Variants in CNTLN observed in about 807,000 individuals in gnomAD.
CNTLN encodes the protein centlein.
In CNTLN, 212 loss-of-function variants were observed where a neutral mutation model predicts 180.0. That is an observed-to-expected ratio of 1.18 (90% CI 1.05 to 1.32). The LOEUF (loss-of-function observed/expected upper bound fraction) is 1.32. CNTLN is among the 40% of genes most tolerant of loss of function. CNTLN has a pLI of 0.00. For synonymous variants in CNTLN, 722 were observed against 563.1 expected, an observed-to-expected ratio of 1.28 and a Z score of -3.99; for missense variants, 2,095 against 1,610.9, an observed-to-expected ratio of 1.30 and a Z score of -5.14.
downstream of CNTLN, among the ~76,000 whole-genome samples, chr9:17,507,932 G>A (rs559734448): frequency 3.9e-5 from 6 of 151,978 alleles, no homozygotes; most frequent in Non-Finnish European, 7.4e-5. Flanking sequence ...TGATCATTAG[G>A]GATAATTTAA....
intron 16 of CNTLN, among the ~76,000 whole-genome samples, chr9:17,413,328 G>T (rs1338334757): frequency 6.6e-6 from 1 of 152,084 alleles, no homozygotes; most frequent in Non-Finnish European, 1.5e-5. Context: ...AAATATAAGA[G>T]AAAATCTTGA....
intron 12 of CNTLN, among the ~76,000 whole-genome samples, chr9:17,366,307 G>GTTA (rs10626361): frequency 5.5e-4 from 83 of 151,574 alleles, no homozygotes; most frequent in Non-Finnish European, 1.0e-3. Flanking sequence ...TATTGTTGTT[G>GTTA]TTATTATTAT....
At chr9:17,446,576 C>G (rs1345982916) in intron 18 of CNTLN, among the ~76,000 whole-genome samples, 2 of 152,058 alleles carry the variant, frequency 1.3e-5, no homozygotes, top group African/African-American at 2.4e-5. Flanking sequence ...TTTTCAGAGG[C>G]TTACTGAGAA....
At position 17,135,366 on chromosome 9, in the gene CNTLN, C is replaced by T. The variant is rs763625405; in HGVS notation, c.301C>T (p.Arg101Trp). ...CTCGGTAGAGGAGGCGATGGTGACC[C>T]GGACGCAGCTGCTGGAGGAAGAGCT... ...GISVEEAMVTRTQLLEEELSS... is the reference protein window; with the variant it reads ...GISVEEAMVTWTQLLEEELSS... The change falls in exon 1 of 26, where the codon CGG (arginine) becomes TGG (tryptophan). Residue 101 changes from arginine to tryptophan, a missense_variant. Coordinates refer to ENST00000380647, the MANE Select transcript of CNTLN (RefSeq NM_017738.4). The T allele has an allele frequency of 1.9e-6, 3 of 1,599,988 alleles. No individual in the cohort carries two copies. Among genetic ancestry groups the T allele is most frequent in the South Asian group, 1.1e-5 (1 of 88,136 alleles).
Position 17,342,449 on chromosome 9 carries a change from G to A in CNTLN, c.1886+5G>A, listed in dbSNP as rs190886928. Reference sequence around the variant, plus strand: ...CCAGGAGCTAATGATTCAAAAGTGAGTTTCATTTTTAACAATATGGACTTA... The same window carrying A: ...CCAGGAGCTAATGATTCAAAAGTGAATTTCATTTTTAACAATATGGACTTA... On this transcript the variant is annotated splice_donor_5th_base_variant and intron_variant, in intron 12 of 25. Coordinates refer to ENST00000380647, the MANE Select transcript of CNTLN (RefSeq NM_017738.4). 7 of 1,593,314 alleles carry A rather than the reference G, an allele frequency of 4.4e-6. No individual in the cohort carries two copies. In the East Asian group the frequency reaches 1.6e-4, roughly 36 times the overall value.
At chr9:17,483,689 A>AAC (rs1832760117) in intron 23 of CNTLN, among the ~76,000 whole-genome samples, 1 of 152,192 alleles carries the variant, frequency 6.6e-6, no homozygotes, top group Non-Finnish European at 1.5e-5. Context: ...GAGGCAACTT[A>AAC]AAGGCTTGTG....
At chr9:17,244,094 T>C (rs1825658950) in intron 5 of CNTLN, among the ~76,000 whole-genome samples, 1 of 152,168 alleles carries the variant, frequency 6.6e-6, no homozygotes, top group Non-Finnish European at 1.5e-5. Context: ...TGTCTTGAAA[T>C]CTATTTTGTC....
intron 6 of CNTLN, among the ~76,000 whole-genome samples, chr9:17,283,226 A>C (rs1828774262): frequency 6.6e-6 from 1 of 152,132 alleles, no homozygotes; most frequent in Non-Finnish European, 1.5e-5. Flanking sequence ...ATGAGCATGG[A>C]ATGTTTTTTC....
At chr9:17,470,940 A>G (rs1832016206) in intron 23 of CNTLN, among the ~76,000 whole-genome samples, 1 of 152,048 alleles carries the variant, frequency 6.6e-6, no homozygotes, top group Non-Finnish European at 1.5e-5. Context: ...TTTTAATTTT[A>G]CACATACAAT....
At chr9:17,353,032 G>A (rs1005608166) in intron 12 of CNTLN, among the ~76,000 whole-genome samples, 3 of 152,204 alleles carry the variant, frequency 2.0e-5, no homozygotes, top group Admixed American at 6.5e-5. Flanking sequence ...TTGTATACAA[G>A]GGATTGTTTG....
rs1000454849 is a variant in CNTLN at position 17,427,157 on chromosome 9, C to T, written c.3114+10968C>T. 3.9e-5 allele frequency among the ~76,000 whole-genome samples: 6 copies of T among 152,126 alleles called. No individual in the cohort carries two copies. The South Asian group carries it at 1.2e-3, about 32-fold the overall frequency. Reference sequence around the variant, plus strand: ...GTTTCAGCTCCTGCTCCCACAATTCCTGAAGTTGCTGGCCCTGGTGATTTC... The same window carrying T: ...GTTTCAGCTCCTGCTCCCACAATTCTTGAAGTTGCTGGCCCTGGTGATTTC... On this transcript the variant is annotated intron_variant, in intron 18 of 25. Transcript: ENST00000380647.
At chr9:17,258,553 G>A (rs916047590) in intron 5 of CNTLN, among the ~76,000 whole-genome samples, 14 of 150,406 alleles carry the variant, frequency 9.3e-5, no homozygotes, top group East Asian at 3.9e-4. Flanking sequence ...CATTGAATCT[G>A]TAAATTACCT....
At chr9:17,376,745 C>G (rs1410138453) in intron 13 of CNTLN, among the ~76,000 whole-genome samples, 1 of 152,128 alleles carries the variant, frequency 6.6e-6, no homozygotes, top group Non-Finnish European at 1.5e-5. Flanking sequence ...GCCACCGCAC[C>G]CGGCCATAAC....
At chr9:17,294,988 A>G (rs867444929) in intron 6 of CNTLN, among the ~76,000 whole-genome samples, 28 of 151,156 alleles carry the variant, frequency 1.9e-4, no homozygotes, top group Middle Eastern at 3.4e-3. Context: ...ACAGGGAGGC[A>G]GCTAAGGCCC....
At chr9:17,523,756 C>A in the CNTLN span, among the ~76,000 whole-genome samples, 1 of 152,108 alleles carries the variant, frequency 6.6e-6, no homozygotes. Flanking sequence ...ACACTAATAT[C>A]TCAGGAAGTA....
At chr9:17,198,631 T>G (rs984783446) in intron 2 of CNTLN, among the ~76,000 whole-genome samples, 5 of 151,556 alleles carry the variant, frequency 3.3e-5, no homozygotes, top group African/African-American at 9.7e-5. Context: ...GGGATACACG[T>G]GCAGAATATG....
chr9:17,479,888 T>A, intron 23 of CNTLN, among the ~76,000 whole-genome samples: 1 of 152,266 alleles, frequency 6.6e-6, no homozygotes, highest in Middle Eastern at 3.4e-3. Flanking sequence ...GCACTTAAAA[T>A]ATAGTTATCC....
chr9:17,312,845 C>G (rs142159056), intron 8 of CNTLN, among the ~76,000 whole-genome samples: 2 of 152,120 alleles, frequency 1.3e-5, no homozygotes, highest in East Asian at 1.9e-4. Flanking sequence ...TGTCATTGCA[C>G]TTGATAGTAT....
In CNTLN at chr9:17,353,027, T is replaced by C. The variant is rs143651427; in HGVS notation, c.1886+10583T>C. 3.1e-3 allele frequency among the ~76,000 whole-genome samples: 472 copies of C among 152,360 alleles called. 5 individuals are homozygous for C. Among genetic ancestry groups the C allele is most frequent in the African/African-American group, 0.011 (451 of 41,588 alleles). ...AATAGTGCTGCTATGAACATTTGTA[T>C]ACAAGGGATTGTTTGAATACCTGTT... On this transcript the variant is annotated intron_variant, in intron 12 of 25. Transcript: ENST00000380647.
Sources: gnomAD v4.1 joint callset for allele counts (sites outside exome capture counted in the v4.1 genomes callset) on GRCh38, gnomAD v4.1.1 for gene constraint, MANE v1.5 for transcripts, NCBI Gene and HGNC (gene_info 2026-07-23, HGNC 2026-07-21) for gene names.